Variants in NRXN3 observed in about 807,000 individuals in gnomAD.
The protein encoded by NRXN3 is neurexin 3.
NRXN3 carries 32 observed loss-of-function variants against 137.6 expected under a neutral mutation model. The ratio of observed to expected loss-of-function variants is 0.23; its 90% CI spans 0.18 to 0.31. The LOEUF (loss-of-function observed/expected upper bound fraction) is 0.31. NRXN3 is among the 10% of genes least tolerant of loss of function. The pLI, the probability that NRXN3 is intolerant of heterozygous loss-of-function variation, is 1.00. For synonymous variants in NRXN3, 798 were observed against 784.5 expected (o/e 1.02, Z -0.29); for missense variants, 1,574 against 2,062.5 (o/e 0.76, Z 4.59).
intron 1 of NRXN3, among the ~76,000 whole-genome samples, chr14:78,225,952 G>GGT (rs5809869): frequency 8.3e-4 from 103 of 124,816 alleles, no homozygotes; most frequent in South Asian, 2.7e-3. Flanking sequence ...GTGTTTTTTT[G>GGT]GTGTGTGTGT....
chr14:78,557,072 A>G (rs2096745596), intron 4 of NRXN3, among the ~76,000 whole-genome samples: 1 of 145,718 alleles, frequency 6.9e-6, no homozygotes, highest in East Asian at 2.0e-4. Flanking sequence ...CTTTTCTGAG[A>G]CCGGGACTTG....
At chr14:78,387,006 T>C (rs1368442182) in intron 4 of NRXN3, among the ~76,000 whole-genome samples, 1 of 152,078 alleles carries the variant, frequency 6.6e-6, no homozygotes, top group African/African-American at 2.4e-5. Flanking sequence ...AGTCTCGATC[T>C]CCTGACTCAA....
At chr14:78,629,749 T>C (rs144744630) in intron 4 of NRXN3, among the ~76,000 whole-genome samples, 11 of 152,354 alleles carry the variant, frequency 7.2e-5, no homozygotes, top group African/African-American at 2.6e-4. Context: ...TGTGAGGTGC[T>C]ATGGAATCTC....
chr14:79,386,329 A>G (rs1330697891), intron 15 of NRXN3, among the ~76,000 whole-genome samples: 1 of 152,192 alleles, frequency 6.6e-6, no homozygotes, highest in Admixed American at 6.5e-5. Context: ...CAGAGAGCCA[A>G]ATCATGACTG....
intron 10 of NRXN3, among the ~76,000 whole-genome samples, chr14:78,946,360 A>G (rs1156347260): frequency 2.0e-5 from 3 of 152,200 alleles, no homozygotes; most frequent in African/African-American, 7.2e-5. Context: ...CAGACAGTTG[A>G]TGACTTCCAG....
At chr14:78,244,730 G>C (rs2067436369) in intron 2 of NRXN3, among the ~76,000 whole-genome samples, 1 of 152,136 alleles carries the variant, frequency 6.6e-6, no homozygotes, top group Admixed American at 6.5e-5. Flanking sequence ...CTTTAGATGT[G>C]GTTCCCTTTC....
chr14:79,600,034 C>T (rs576138351), intron 16 of NRXN3, among the ~76,000 whole-genome samples: 2 of 152,202 alleles, frequency 1.3e-5, no homozygotes, highest in Admixed American at 6.5e-5. Flanking sequence ...TAAATAATTA[C>T]TGAGGTGGCT....
At chr14:79,296,811 G>C (rs527613383) in intron 15 of NRXN3, among the ~76,000 whole-genome samples, 2 of 152,230 alleles carry the variant, frequency 1.3e-5, no homozygotes, top group East Asian at 3.9e-4. Flanking sequence ...TAAAACAAAA[G>C]CAAATAAATA....
chr14:79,862,055 A>C lies in NRXN3; in HGVS notation c.*91A>C. On this transcript the variant is annotated 3_prime_UTR_variant, in exon 21 of 21. Transcript: ENST00000335750. ...ACGGTGAGATCTCACAGATGTCAGA[A>C]CTGCTGGAACTATGAAATGGGGTAT... The C allele has an allele frequency of 9.1e-7, 1 of 1,099,974 alleles. No individual in the cohort carries two copies. Among genetic ancestry groups the C allele is most frequent in the Non-Finnish European group, 1.3e-6 (1 of 770,732 alleles). 68.1% of individuals were successfully genotyped at this position (1,099,974 alleles called of 1,614,324 possible).
Position 78,339,252 on chromosome 14 carries a change from G to T in NRXN3, c.757+41392G>T, listed in dbSNP as rs145487186. 3.5e-3 allele frequency among the ~76,000 whole-genome samples: 540 copies of T among 152,252 alleles called. 5 individuals carry two copies. The highest frequency in any genetic ancestry group is 0.013 in the African/African-American group (522 of 41,550). ...TAAATATATTTTCGCATGGGAGCAG[G>T]CATTATTTTTTCATTTTAACTGATG... On this transcript the variant is annotated intron_variant, in intron 4 of 20. Coordinates refer to ENST00000335750, the MANE Select transcript of NRXN3 (RefSeq NM_001330195.2).
At chr14:78,647,529 G>T (rs1159220411) in intron 5 of NRXN3, among the ~76,000 whole-genome samples, 2 of 152,232 alleles carry the variant, frequency 1.3e-5, no homozygotes, top group Non-Finnish European at 2.9e-5. Context: ...TGTTTCAAAG[G>T]TGACTGCATC....
chr14:78,453,385 G>A (rs561301816), intron 4 of NRXN3, among the ~76,000 whole-genome samples: 2 of 152,312 alleles, frequency 1.3e-5, no homozygotes, highest in South Asian at 2.1e-4. Flanking sequence ...AAGGGTGGAT[G>A]ATATATGCCG....
At chr14:79,002,527 G>A (rs112009191) in intron 15 of NRXN3, among the ~76,000 whole-genome samples, 7,339 of 152,072 alleles carry the variant, frequency 0.048, 639 homozygotes, top group African/African-American at 0.17. Flanking sequence ...CTTCATCTAC[G>A]TCCCTGCAAA....
chr14:79,231,881 T>C (rs573947661), intron 15 of NRXN3, among the ~76,000 whole-genome samples: 28 of 152,170 alleles, frequency 1.8e-4, no homozygotes, highest in African/African-American at 6.0e-4. Context: ...GTTAAACTGG[T>C]GATGGTAGGG....
At chr14:79,603,011 C>T (rs952939325) in intron 16 of NRXN3, among the ~76,000 whole-genome samples, 1 of 152,158 alleles carries the variant, frequency 6.6e-6, no homozygotes, top group East Asian at 1.9e-4. Context: ...TCTCTCACCT[C>T]TCAACTGATC....
chr14:78,483,981 TACACACACAC>T (rs71979335), intron 4 of NRXN3, among the ~76,000 whole-genome samples: 1,892 of 123,690 alleles, frequency 0.015, 39 homozygotes, highest in African/African-American at 0.044. Context: ...GGGATGCTCT[TACACACACAC>T]ACACACACAC....
chr14:78,575,068 A>T (rs1238059977), intron 4 of NRXN3, among the ~76,000 whole-genome samples: 2 of 152,184 alleles, frequency 1.3e-5, no homozygotes, highest in Admixed American at 1.3e-4. Flanking sequence ...TGATGGTTTT[A>T]TAAGGGGCTT....
chr14:79,435,822 T>A (rs1161813930), intron 15 of NRXN3, among the ~76,000 whole-genome samples: 2 of 151,980 alleles, frequency 1.3e-5, no homozygotes, highest in African/African-American at 4.8e-5. Flanking sequence ...TTTGTAGAGA[T>A]GAGGTCTCCC....
At chr14:79,427,358 T>G (rs996109825) in intron 15 of NRXN3, among the ~76,000 whole-genome samples, 1 of 152,174 alleles carries the variant, frequency 6.6e-6, no homozygotes, top group African/African-American at 2.4e-5. Context: ...AGGTTTGTCT[T>G]TTTATGTGGT....
Sources: gnomAD v4.1 joint callset for allele counts (sites outside exome capture counted in the v4.1 genomes callset) on GRCh38, gnomAD v4.1.1 for gene constraint, MANE v1.5 for transcripts, NCBI Gene and HGNC (gene_info 2026-07-23, HGNC 2026-07-21) for gene names.